STUM: variants seen among roughly 807,000 people sequenced by gnomAD.
STUM encodes protein stum homolog.
A neutral mutation model predicts 15.3 loss-of-function variants in STUM; 8 were observed. The ratio of observed to expected loss-of-function variants is 0.52; its 90% CI spans 0.31 to 0.94. The LOEUF (loss-of-function observed/expected upper bound fraction) is 0.94, where lower values mean the gene tolerates loss of function less well. Ranked by LOEUF, STUM falls within the 40% of genes least tolerant of loss-of-function variation. The pLI is 0.05. For synonymous variants in STUM, 78 were observed against 88.7 expected (o/e 0.88, Z 0.68); for missense variants, 142 against 204.9 (o/e 0.69, Z 1.87).
At chr1:226,599,899 A>G (rs1668239843) in intron 2 of STUM, among the ~76,000 whole-genome samples, 1 of 152,232 alleles carries the variant, frequency 6.6e-6, no homozygotes, top group African/African-American at 2.4e-5. Context: ...AATTGATCCA[A>G]GAGGTCTGCA....
rs1340580546 is a variant in STUM at position 226,552,207 on chromosome 1, A to G, written c.202+3101A>G. Among the ~76,000 whole-genome samples the G allele has an allele frequency of 2.0e-5, 3 of 152,152 alleles. No homozygotes were observed. The highest frequency in any genetic ancestry group is 3.9e-4 in the East Asian group (2 of 5,180). Reference sequence around the variant, plus strand: ...ACCCAAGCAACAGTGCTCTCGGGATAACACTCATATCATGAGTGGGATGTG... The same window carrying G: ...ACCCAAGCAACAGTGCTCTCGGGATGACACTCATATCATGAGTGGGATGTG... On this transcript the variant is annotated intron_variant, in intron 1 of 3. Coordinates refer to ENST00000366788, the MANE Select transcript of STUM (RefSeq NM_001003665.4). The surrounding 1 kb of genome is among the most constrained non-coding windows in gnomAD (Gnocchi z 4.7).
At chr1:226,560,314 C>T (rs774106015) in intron 1 of STUM, among the ~76,000 whole-genome samples, 4 of 152,156 alleles carry the variant, frequency 2.6e-5, no homozygotes, top group Non-Finnish European at 4.4e-5. Flanking sequence ...TCCAGGTGCT[C>T]TTGGGGAAGG....
At chr1:226,584,652 C>G (rs78356571) in intron 1 of STUM, among the ~76,000 whole-genome samples, 48 of 152,274 alleles carry the variant, frequency 3.2e-4, no homozygotes, top group Admixed American at 5.2e-4. Flanking sequence ...GGAACAACAC[C>G]GTAGGATTGG....
chr1:226,579,216 A>C (rs1250282381), intron 1 of STUM, among the ~76,000 whole-genome samples: 1 of 152,170 alleles, frequency 6.6e-6, no homozygotes, highest in Non-Finnish European at 1.5e-5. Context: ...ATAGAAGGAA[A>C]CTATCTTATC....
chr1:226,576,759 C>A (rs1667822111), intron 1 of STUM, among the ~76,000 whole-genome samples: 1 of 152,158 alleles, frequency 6.6e-6, no homozygotes, highest in South Asian at 2.1e-4. Context: ...CTGGCAACCA[C>A]CAGAGTACAG....
intron 1 of STUM, among the ~76,000 whole-genome samples, chr1:226,563,963 C>T (rs933993474): frequency 6.6e-6 from 1 of 152,190 alleles, no homozygotes; most frequent in Non-Finnish European, 1.5e-5. Context: ...CTCTGATGCA[C>T]CCTCACTCAC....
At chr1:226,576,106 A>G (rs769738446) in intron 1 of STUM, among the ~76,000 whole-genome samples, 1 of 152,252 alleles carries the variant, frequency 6.6e-6, no homozygotes. Context: ...TGGCTCAGTA[A>G]TCAGGTGGGG....
At position 226,603,517 on chromosome 1, in the gene STUM, G is replaced by A. The variant is rs1668305463; in HGVS notation, c.*1477G>A. 2 of 152,254 alleles carry A rather than the reference G, an allele frequency of 1.3e-5. No individual in the cohort carries two copies. The highest frequency in any genetic ancestry group is 2.9e-5 in the Non-Finnish European group (2 of 68,046). 9.4% of individuals were successfully genotyped at this position (152,254 alleles called of 1,614,324 possible). On this transcript the variant is annotated 3_prime_UTR_variant, in exon 4 of 4. Coordinates refer to ENST00000366788, the MANE Select transcript of STUM (RefSeq NM_001003665.4). ...AGCTTCTGACTCCACTTGACACAGTGCCATTGGGCATGTCCCTCTCTGAAG... is the reference window on the plus strand; with the variant it reads ...AGCTTCTGACTCCACTTGACACAGTACCATTGGGCATGTCCCTCTCTGAAG...
At chr1:226,577,082 G>A (rs747413334) in intron 1 of STUM, among the ~76,000 whole-genome samples, 20 of 152,186 alleles carry the variant, frequency 1.3e-4, no homozygotes, top group Non-Finnish European at 2.8e-4. Context: ...TTCAGGTGAG[G>A]AAACCAAGGC....
intron 1 of STUM, among the ~76,000 whole-genome samples, chr1:226,578,117 G>C (rs1379624980): frequency 6.6e-6 from 1 of 152,158 alleles, no homozygotes; most frequent in Non-Finnish European, 1.5e-5. Context: ...CCGTCAAAAA[G>C]ACATTGCTGT....
intron 1 of STUM, among the ~76,000 whole-genome samples, chr1:226,596,263 G>GTACTACTACTAC (rs3068293): frequency 6.6e-6 from 1 of 151,294 alleles, no homozygotes; most frequent in African/African-American, 2.4e-5. Flanking sequence ...ACTGCACAGT[G>GTACTACTACTAC]TACTACTACT....
intron 1 of STUM, among the ~76,000 whole-genome samples, chr1:226,577,807 TGG>T (rs75194782): frequency 0.075 from 11,357 of 151,502 alleles, 511 homozygotes; most frequent in South Asian, 0.22. Flanking sequence ...GGTTGTTCTG[TGG>T]GGGGGATGGT....
chr1:226,566,953 G>A (rs1558279839), intron 1 of STUM, among the ~76,000 whole-genome samples: 1 of 152,214 alleles, frequency 6.6e-6, no homozygotes, highest in Non-Finnish European at 1.5e-5. Flanking sequence ...GTGTTGGGGG[G>A]AAGGTAGGTG....
rs968541865 is a variant in STUM, at chr1:226,565,290, A to G, written c.202+16184A>G. 2.6e-5 allele frequency among the ~76,000 whole-genome samples: 4 copies of G among 152,028 alleles called. No homozygotes were observed. The highest frequency in any genetic ancestry group is 5.9e-5 in the Non-Finnish European group (4 of 68,008). On this transcript the variant is annotated intron_variant, in intron 1 of 3. Transcript: ENST00000366788. This position sits in a 1 kb window ranked among gnomAD's most constrained non-coding sequence, Gnocchi z 4.4. Reference sequence around the variant, plus strand: ...CTGGGTACCAGCATTTCAGCCTCCCATCCTGCCCAGACCTCTGTGTATAGT... The same window carrying G: ...CTGGGTACCAGCATTTCAGCCTCCCGTCCTGCCCAGACCTCTGTGTATAGT...
intron 1 of STUM, among the ~76,000 whole-genome samples, chr1:226,563,555 C>T (rs1347026026): frequency 6.6e-6 from 1 of 152,228 alleles, no homozygotes; most frequent in East Asian, 1.9e-4. Flanking sequence ...TTCAGTGGCC[C>T]ATGGATCTGA....
chr1:226,575,835 C>G (rs910533947), intron 1 of STUM, among the ~76,000 whole-genome samples: 3 of 152,228 alleles, frequency 2.0e-5, no homozygotes, highest in Non-Finnish European at 4.4e-5. Flanking sequence ...ATCCGCAGAG[C>G]CTTCTTTCCC....
chr1:226,554,187 T>C (rs1667414719), intron 1 of STUM, among the ~76,000 whole-genome samples: 1 of 152,208 alleles, frequency 6.6e-6, no homozygotes, highest in African/African-American at 2.4e-5. Context: ...CTCCTGAAAA[T>C]GGCAGGTCTC....
chr1:226,593,480 C>T (rs1405899555), intron 1 of STUM, among the ~76,000 whole-genome samples: 4 of 152,178 alleles, frequency 2.6e-5, no homozygotes, highest in Admixed American at 6.5e-5. Flanking sequence ...TTTACCCTTA[C>T]AGGAGCCCTC....
rs1426515044 is a variant in STUM at position 226,567,211 on chromosome 1, C to T, written c.202+18105C>T. 6.6e-6 allele frequency among the ~76,000 whole-genome samples: 1 copy of T among 152,200 alleles called. No individual in the cohort carries two copies. Among genetic ancestry groups the T allele is most frequent in the Non-Finnish European group, 1.5e-5 (1 of 68,018 alleles). On this transcript the variant is annotated intron_variant, in intron 1 of 3. Transcript: ENST00000366788. The surrounding 1 kb of genome is among the most constrained non-coding windows in gnomAD (Gnocchi z 4.5). ...TCCAGGCCAGATTGACCTGAAATCT[C>T]TTCCCGAGCCTTGCTTTCAAAAAGC...
Sources: allele counts gnomAD v4.1 joint callset (sites outside exome capture counted in the v4.1 genomes callset), GRCh38; gene constraint gnomAD v4.1.1; non-coding constraint Gnocchi (gnomAD v3.1); transcripts MANE v1.5; gene names NCBI Gene and HGNC (gene_info 2026-07-23, HGNC 2026-07-21).